The following DCC variants were observed in gnomAD, a reference collection of about 807,000 sequenced individuals.
DCC encodes the protein netrin receptor DCC.
Under a neutral mutation model 172.5 loss-of-function variants are expected in DCC, and 58 were observed. The ratio of observed to expected loss-of-function variants is 0.34; its 90% confidence interval spans 0.27 to 0.42. The LOEUF (loss-of-function observed/expected upper bound fraction) is 0.42. Ranked by LOEUF, DCC falls within the 10% of genes least tolerant of loss-of-function variation. The pLI, the probability that DCC is intolerant of heterozygous loss-of-function variation, is 1.00. For missense variants in DCC, 1,740 were observed against 1,791.0 expected (o/e 0.97, Z 0.51); for synonymous variants, 709 against 644.5 (o/e 1.10, Z -1.52).
intron 7 of DCC, among the ~76,000 whole-genome samples, chr18:53,132,063 C>T (rs763798621): frequency 1.5e-4 from 21 of 139,682 alleles, no homozygotes; most frequent in Non-Finnish European, 2.9e-4. Context: ...GCTTTTTAGA[C>T]ACTTTTATAG....
Position 52,356,788 on chromosome 18 carries a change from ATT to A in DCC, c.91+15921_91+15922del, listed in dbSNP as rs35219447. Among the ~76,000 whole-genome samples the A allele has an allele frequency of 9.7e-4, 145 of 148,874 alleles. 1 individual carries two copies. The East Asian group carries it at 0.016, about 16-fold the overall frequency. The stretch of plus-strand genomic sequence containing the variant: ...CTGTTCTGGCTGGAAAACCTAAATC[ATT>A]TTTTTTTTTTGAGTCAGAGTCTCAC... On this transcript the variant is annotated intron_variant, in intron 1 of 28. Coordinates refer to ENST00000442544, the MANE Select transcript of DCC (RefSeq NM_005215.4).
chr18:53,281,154 C>G (rs1598979161), intron 12 of DCC, among the ~76,000 whole-genome samples: 4 of 152,202 alleles, frequency 2.6e-5, no homozygotes, highest in South Asian at 4.1e-4. Flanking sequence ...GTGAGCATTA[C>G]TGGGTAATTG....
At chr18:52,822,815 A>G (rs1821743051) in intron 2 of DCC, among the ~76,000 whole-genome samples, 1 of 152,194 alleles carries the variant, frequency 6.6e-6, no homozygotes, top group African/African-American at 2.4e-5. Context: ...CAAGGAATTT[A>G]TCCACAAGAA....
At chr18:53,029,011 T>A (rs1225109934) in intron 5 of DCC, among the ~76,000 whole-genome samples, 5 of 152,170 alleles carry the variant, frequency 3.3e-5, no homozygotes, top group African/African-American at 1.2e-4. Flanking sequence ...TACAACTAAT[T>A]CACAAAGAGG....
At chr18:52,849,693 ATTAT>A (rs1432372994) in intron 2 of DCC, among the ~76,000 whole-genome samples, 2 of 152,186 alleles carry the variant, frequency 1.3e-5, no homozygotes, top group Admixed American at 6.5e-5. Flanking sequence ...TTATAACATG[ATTAT>A]TTATTAGAAT....
At chr18:52,417,125 C>T (rs1294209378) in intron 1 of DCC, among the ~76,000 whole-genome samples, 6 of 152,066 alleles carry the variant, frequency 3.9e-5, no homozygotes, top group East Asian at 3.9e-4. Context: ...TTCTCCTTCA[C>T]TTATGAAGCT....
At chr18:53,487,076 T>C (rs1156382826) in intron 26 of DCC, 118 bp downstream of exon 26, 2 of 1,319,852 alleles carry the variant, frequency 1.5e-6, no homozygotes, top group Admixed American at 1.9e-5. Context: ...ATGACTGTGG[T>C]ACTAGAATGT....
chr18:52,838,713 A>T (rs1465756300), intron 2 of DCC, among the ~76,000 whole-genome samples: 1 of 152,226 alleles, frequency 6.6e-6, no homozygotes, highest in African/African-American at 2.4e-5. Context: ...AATGGTTGCA[A>T]CAGCATGTGA....
At chr18:53,217,685 T>C (rs1434100439) in intron 12 of DCC, among the ~76,000 whole-genome samples, 6 of 152,290 alleles carry the variant, frequency 3.9e-5, no homozygotes, top group South Asian at 2.1e-4. Flanking sequence ...TCTATTTTGA[T>C]ATTTGTGTTT....
chr18:53,509,388 A>G (rs115502151), intron 27 of DCC, among the ~76,000 whole-genome samples: 2,081 of 152,346 alleles, frequency 0.014, 58 homozygotes, highest in African/African-American at 0.047. Context: ...TGGCTATCAA[A>G]AGCAGTGTTT....
chr18:52,602,272 G>C (rs908237428), intron 1 of DCC, among the ~76,000 whole-genome samples: 20 of 152,012 alleles, frequency 1.3e-4, no homozygotes, highest in Admixed American at 1.3e-4. Flanking sequence ...TTGTTCAGGG[G>C]AATGAGGCAT....
At chr18:53,265,376 A>G (rs958901221) in intron 12 of DCC, among the ~76,000 whole-genome samples, 1 of 152,238 alleles carries the variant, frequency 6.6e-6, no homozygotes, top group African/African-American at 2.4e-5. Flanking sequence ...AGTTTCTATC[A>G]TAAAAGTGTA....
At chr18:53,385,971 A>G (rs1308781749) in intron 15 of DCC, 72 bp from the exon 16 acceptor site, 22 of 1,031,348 alleles carry the variant, frequency 2.1e-5, no homozygotes, top group Non-Finnish European at 3.2e-5. Flanking sequence ...GTTTTGAGGA[A>G]AATGTTTGCC....
chr18:52,576,626 G>A (rs2033416366), intron 1 of DCC, among the ~76,000 whole-genome samples: 1 of 151,574 alleles, frequency 6.6e-6, no homozygotes, highest in Non-Finnish European at 1.5e-5. Flanking sequence ...TCAGGAGATC[G>A]AGACCATCCT....
At chr18:53,023,067 A>G (rs2041903567) in intron 5 of DCC, among the ~76,000 whole-genome samples, 1 of 152,058 alleles carries the variant, frequency 6.6e-6, no homozygotes, top group Non-Finnish European at 1.5e-5. Flanking sequence ...TAATCCCTAC[A>G]TTTGAAGAGT....
intron 5 of DCC, among the ~76,000 whole-genome samples, chr18:53,045,412 A>G (rs2042224205): frequency 6.6e-6 from 1 of 151,840 alleles, no homozygotes; most frequent in Non-Finnish European, 1.5e-5. Context: ...TGAGGCTTGA[A>G]GAGTATTAGT....
chr18:53,305,636 G>T lies in DCC; in HGVS notation c.1970G>T (p.Gly657Val). 6.2e-7 allele frequency: 1 copy of T among 1,613,690 alleles called. No homozygotes were observed. The highest frequency in any genetic ancestry group is 1.1e-5 in the South Asian group (1 of 91,074). Residue 657 changes from glycine to valine, a missense_variant, in exon 13 of 29, where the codon GGC becomes GTC. By Grantham distance (109) the Gly-to-Val change is moderately radical (BLOSUM62 -3). Around this residue, in one of 2 missense-constraint regions of DCC, gnomAD observed 1,732 missense variants for 1,767.4 expected, o/e 0.98. Transcript: ENST00000442544. ...GGAACACAAAATGGATTTATTACCGGCTATAAAATTCGACACAGAAAGACG... is the reference window on the plus strand; with the variant it reads ...GGAACACAAAATGGATTTATTACCGTCTATAAAATTCGACACAGAAAGACG... ...PSGTQNGFIT[G>V]YKIRHRKTTR...
At chr18:53,235,778 G>A (rs1040108844) in intron 12 of DCC, among the ~76,000 whole-genome samples, 9 of 152,042 alleles carry the variant, frequency 5.9e-5, no homozygotes, top group East Asian at 1.9e-4. Context: ...ATACATCGCC[G>A]TTCCCCTCTT....
At chr18:53,063,631 C>T in intron 6 of DCC, 172 bp downstream of exon 6, 1 of 597,842 alleles carries the variant, frequency 1.7e-6, no homozygotes, top group East Asian at 2.9e-5. Flanking sequence ...AATATTTGAA[C>T]TGAGAAAGAG....
Sources: allele counts gnomAD v4.1 joint callset (sites outside exome capture counted in the v4.1 genomes callset), GRCh38; gene constraint gnomAD v4.1.1; regional missense constraint gnomAD v4.1.1; transcripts MANE v1.5; gene names NCBI Gene and HGNC (gene_info 2026-07-23, HGNC 2026-07-21).